The following ACOT7 variants were observed in gnomAD, a reference collection of about 807,000 sequenced individuals.
ACOT7 encodes acyl-CoA thioesterase 7, also known as cytosolic acyl coenzyme A thioester hydrolase.
Under a neutral mutation model 40.2 loss-of-function variants are expected in ACOT7, and 12 were observed. The observed-to-expected ratio is 0.30, with a 90% confidence interval of 0.19 to 0.48. ACOT7 has a LOEUF of 0.48. Ranked by LOEUF, ACOT7 falls within the 20% of genes least tolerant of loss-of-function variation. The pLI is 0.99. For synonymous variants in ACOT7, 228 were observed against 219.5 expected, an observed-to-expected ratio of 1.04 and a Z score of -0.34; for missense variants, 395 against 530.8, an observed-to-expected ratio of 0.74 and a Z score of 2.51.
At chr1:6,293,632 G>A (rs1238838566) in intron 7 of ACOT7, among the ~76,000 whole-genome samples, 1 of 152,218 alleles carries the variant, frequency 6.6e-6, no homozygotes, top group Non-Finnish European at 1.5e-5. Flanking sequence ...GCACGGAAGT[G>A]CAAGGCTACA....
intron 5 of ACOT7, among the ~76,000 whole-genome samples, chr1:6,325,761 G>A (rs1307095934): frequency 2.6e-5 from 4 of 152,198 alleles, no homozygotes; most frequent in African/African-American, 9.7e-5. Flanking sequence ...AGAAAGCCAT[G>A]CTCTCATCTG....
intron 6 of ACOT7, among the ~76,000 whole-genome samples, chr1:6,317,154 A>G (rs72854393): frequency 0.098 from 14,850 of 152,150 alleles, 1,861 homozygotes; most frequent in African/African-American, 0.29. Context: ...GAACAGCTGC[A>G]CCCAGCCTTC....
rs1317913791 is a variant in ACOT7, at chr1:6,355,368, C to T, written c.144-5502G>A. 3.3e-5 allele frequency among the ~76,000 whole-genome samples: 5 copies of T among 152,154 alleles called. No individual in the cohort carries two copies. Among genetic ancestry groups the T allele is most frequent in the South Asian group, 2.1e-4 (1 of 4,818 alleles). On this transcript the variant is annotated intron_variant, in intron 1 of 8. Transcript: ENST00000361521. This position sits in a 1 kb window ranked among gnomAD's most constrained non-coding sequence, Gnocchi z 5.0. Reference sequence around the variant, plus strand: ...GTACTCACTGCACAGCCGTGTATAACGCAGGACATGGGCCAGCGCCGAGAT... The same window carrying T: ...GTACTCACTGCACAGCCGTGTATAATGCAGGACATGGGCCAGCGCCGAGAT...
intron 8 of ACOT7, among the ~76,000 whole-genome samples, chr1:6,277,695 G>A (rs1278948232): frequency 1.3e-5 from 2 of 152,236 alleles, no homozygotes; most frequent in Non-Finnish European, 1.5e-5. Context: ...CCTCCGCTGA[G>A]GCTTTCCTTG....
At position 6,355,288 on chromosome 1, in the gene ACOT7, G is replaced by A. The variant is rs577601824; in HGVS notation, c.144-5422C>T. Among the ~76,000 whole-genome samples the A allele has an allele frequency of 6.6e-5, 10 of 152,212 alleles. No individual in the cohort carries two copies. In the South Asian group the frequency reaches 1.2e-3, roughly 19 times the overall value. On this transcript the variant is annotated intron_variant, in intron 1 of 8. Coordinates refer to ENST00000361521, the MANE Select transcript of ACOT7 (RefSeq NM_007274.4). This position sits in a 1 kb window ranked among gnomAD's most constrained non-coding sequence, Gnocchi z 5.0. ...GACACCCTGACCCAGGATTCCACTCGCAGAAATTTACCCCACAGCTGTTTC... is the reference window on the plus strand; with the variant it reads ...GACACCCTGACCCAGGATTCCACTCACAGAAATTTACCCCACAGCTGTTTC...
chr1:6,305,745 C>T (rs1267242416), intron 6 of ACOT7, among the ~76,000 whole-genome samples: 16 of 131,548 alleles, frequency 1.2e-4, no homozygotes, highest in Admixed American at 4.6e-4. Flanking sequence ...TCCCAGACGA[C>T]GGGCGGCCAG....
chr1:6,393,140 G>T, intron 1 of ACOT7, 117 bp downstream of exon 1: 1 of 1,107,990 alleles, frequency 9.0e-7, no homozygotes, highest in Non-Finnish European at 1.1e-6. Flanking sequence ...GGCCGTGCGG[G>T]GAATCGGCGG....
intron 1 of ACOT7, among the ~76,000 whole-genome samples, chr1:6,362,947 G>C (rs942336204): frequency 1.3e-5 from 2 of 152,088 alleles, no homozygotes; most frequent in Non-Finnish European, 2.9e-5. Context: ...AAGCCATCCA[G>C]GTGCCGAGGC....
intron 6 of ACOT7, among the ~76,000 whole-genome samples, chr1:6,307,720 A>T (rs76138736): frequency 0.027 from 4,105 of 151,816 alleles, 194 homozygotes; most frequent in African/African-American, 0.094. Flanking sequence ...AGGCGGAGGG[A>T]ACCACGACCA....
At chr1:6,369,130 CAT>C (rs1642076796) in intron 1 of ACOT7, among the ~76,000 whole-genome samples, 1 of 152,028 alleles carries the variant, frequency 6.6e-6, no homozygotes, top group Admixed American at 6.6e-5. Context: ...ATTACACACA[CAT>C]GCCACCACAT....
At chr1:6,286,989 T>G (rs1021061208) in intron 7 of ACOT7, among the ~76,000 whole-genome samples, 1 of 152,224 alleles carries the variant, frequency 6.6e-6, no homozygotes, top group Non-Finnish European at 1.5e-5. Flanking sequence ...GGTTTCAGCA[T>G]GTTAGCCAGG....
At chr1:6,369,131 A>G (rs996810596) in intron 1 of ACOT7, among the ~76,000 whole-genome samples, 4 of 151,820 alleles carry the variant, frequency 2.6e-5, no homozygotes, top group Non-Finnish European at 5.9e-5. Context: ...TTACACACAC[A>G]TGCCACCACA....
chr1:6,282,650 G>A lies in ACOT7; in HGVS notation c.830-1364C>T. 4 of 1,210,348 alleles carry A rather than the reference G, an allele frequency of 3.3e-6. No individual in the cohort carries two copies. Among genetic ancestry groups the A allele is most frequent in the Non-Finnish European group, 4.4e-6 (4 of 905,326 alleles). 75.0% of individuals were successfully genotyped at this position (1,210,348 alleles called of 1,614,324 possible). A position where few individuals can be genotyped will look rare whatever the true frequency, so the allele number is the denominator to read the frequency against. Reference sequence around the variant, plus strand: ...GTGGCTGTTGGAGGGCGGTTAGCAGGCCAGAGGCAAGAGCGGTTATTCCAT... The same window carrying A: ...GTGGCTGTTGGAGGGCGGTTAGCAGACCAGAGGCAAGAGCGGTTATTCCAT... On this transcript the variant is annotated intron_variant, in intron 7 of 8. Transcript: ENST00000361521. The surrounding 1 kb of genome is among the most constrained non-coding windows in gnomAD (Gnocchi z 4.5).
In ACOT7 at chr1:6,378,803, A is replaced by C. The variant is rs1571353992; in HGVS notation, c.143+14454T>G. On this transcript the variant is annotated intron_variant, in intron 1 of 8. Transcript: ENST00000361521. Reference sequence around the variant, plus strand: ...CTGGCGAGGGCAGGGGCTGGTGTTCAGCAAGGGGAGGGAAACAGATGTGGA... The same window carrying C: ...CTGGCGAGGGCAGGGGCTGGTGTTCCGCAAGGGGAGGGAAACAGATGTGGA... Among the ~76,000 whole-genome samples, 8 of 152,068 alleles carry C rather than the reference A, an allele frequency of 5.3e-5. 1 individual carries two copies. The highest frequency in any genetic ancestry group is 5.2e-4 in the Admixed American group (8 of 15,298).
At chr1:6,279,005 G>A (rs979057236) in intron 8 of ACOT7, among the ~76,000 whole-genome samples, 2 of 152,216 alleles carry the variant, frequency 1.3e-5, no homozygotes, top group African/African-American at 4.8e-5. Flanking sequence ...TCAGGTGGGG[G>A]ATTCAGCATC....
chr1:6,321,389 T>C (rs1640640769), intron 5 of ACOT7, among the ~76,000 whole-genome samples: 1 of 152,234 alleles, frequency 6.6e-6, no homozygotes, highest in African/African-American at 2.4e-5. Context: ...TCTTTCCAAG[T>C]GTCACGCTCA....
At chr1:6,368,057 T>A (rs532906347) in intron 1 of ACOT7, among the ~76,000 whole-genome samples, 4 of 152,012 alleles carry the variant, frequency 2.6e-5, no homozygotes, top group Non-Finnish European at 5.9e-5. Context: ...GGCCTCAGAG[T>A]GGAGGAAGTG....
At chr1:6,325,165 G>A (rs1004127127) in intron 5 of ACOT7, among the ~76,000 whole-genome samples, 1 of 152,212 alleles carries the variant, frequency 6.6e-6, no homozygotes, top group African/African-American at 2.4e-5. Flanking sequence ...TTGGGAGGCC[G>A]AGGTGGGCGG....
At chr1:6,385,577 C>A in intron 1 of ACOT7, 1 of 1,612,160 alleles carries the variant, frequency 6.2e-7, no homozygotes, top group Non-Finnish European at 8.5e-7. Flanking sequence ...CTCGCCGGGG[C>A]CCCACACATC....
Sources: allele counts gnomAD v4.1 joint callset (sites outside exome capture counted in the v4.1 genomes callset), GRCh38; gene constraint gnomAD v4.1.1; non-coding constraint Gnocchi (gnomAD v3.1); transcripts MANE v1.5; gene names NCBI Gene and HGNC (gene_info 2026-07-23, HGNC 2026-07-21).